Variants in CTTNBP2NL observed in about 807,000 individuals in gnomAD.
The protein encoded by CTTNBP2NL is CTTNBP2 N-terminal-like protein.
Under a neutral mutation model 32.5 loss-of-function variants are expected in CTTNBP2NL, and 16 were observed. The ratio of observed to expected loss-of-function variants is 0.49; its 90% CI spans 0.33 to 0.75. The LOEUF (loss-of-function observed/expected upper bound fraction) is 0.75. CTTNBP2NL is among the 30% of genes least tolerant of loss of function. The pLI is 0.02. For synonymous variants in CTTNBP2NL, 298 were observed against 289.4 expected, an observed-to-expected ratio of 1.03 and a Z score of -0.30; for missense variants, 645 against 756.0, an observed-to-expected ratio of 0.85 and a Z score of 1.72.
intron 4 of CTTNBP2NL, among the ~76,000 whole-genome samples, chr1:112,450,767 C>A (rs1204389026): frequency 7.5e-6 from 1 of 133,914 alleles, no homozygotes; most frequent in African/African-American, 2.8e-5. Context: ...CCTATCTATT[C>A]TTTTTTTTTT....
intron 1 of CTTNBP2NL, among the ~76,000 whole-genome samples, chr1:112,402,324 A>C (rs1009152441): frequency 1.3e-5 from 2 of 152,188 alleles, no homozygotes; most frequent in African/African-American, 4.8e-5. Flanking sequence ...AGGCCAAGAC[A>C]GGAGAATCGT....
chr1:112,416,466 A>G (rs971192401), intron 3 of CTTNBP2NL, among the ~76,000 whole-genome samples: 1 of 151,338 alleles, frequency 6.6e-6, no homozygotes, highest in African/African-American at 2.4e-5. Flanking sequence ...TAGTTCCCTT[A>G]GTTTCTCGAT....
At chr1:112,439,016 A>G (rs1010540047) in intron 3 of CTTNBP2NL, among the ~76,000 whole-genome samples, 4 of 152,150 alleles carry the variant, frequency 2.6e-5, no homozygotes, top group Non-Finnish European at 4.4e-5. Context: ...CTAGCTAGCT[A>G]CTTCTTTCTA....
At chr1:112,428,360 A>G (rs573464057) in intron 3 of CTTNBP2NL, among the ~76,000 whole-genome samples, 6 of 152,170 alleles carry the variant, frequency 3.9e-5, no homozygotes, top group South Asian at 2.1e-4. Context: ...TTAGCCTTCT[A>G]TTATTCACTT....
Position 112,455,916 on chromosome 1 carries a change from T to C in CTTNBP2NL, c.439-15T>C, listed in dbSNP as rs1265035396. 1.9e-6 allele frequency: 3 copies of C among 1,558,842 alleles called. No individual in the cohort carries two copies. The highest frequency in any genetic ancestry group is 2.6e-6 in the Non-Finnish European group (3 of 1,150,600). ...ACAGTTTGTCAGTATGTCTCTCTTT[T>C]CTTTTTTTTTCTAGTTGGAATTTGA... On this transcript the variant is annotated splice_polypyrimidine_tract_variant and intron_variant, in intron 5 of 5. Coordinates refer to ENST00000271277, the MANE Select transcript of CTTNBP2NL (RefSeq NM_018704.3).
At chr1:112,413,751 T>A (rs1310240875) in intron 2 of CTTNBP2NL, among the ~76,000 whole-genome samples, 1 of 152,166 alleles carries the variant, frequency 6.6e-6, no homozygotes, top group African/African-American at 2.4e-5. Flanking sequence ...TGAAATTCAC[T>A]TGTTAGAAAA....
In CTTNBP2NL at chr1:112,430,119, C is replaced by T. The variant is rs1012055489; in HGVS notation, c.99+13855C>T. Among the ~76,000 whole-genome samples the T allele has an allele frequency of 2.5e-4, 38 of 152,192 alleles. 1 individual carries two copies. Among genetic ancestry groups the T allele is most frequent in the Admixed American group, 1.3e-4 (2 of 15,280 alleles). ...ATTCTTAAGCGATTAAATGTCTTTG[C>T]TCCATTCAGAAAAACATCAAACCCC... On this transcript the variant is annotated intron_variant, in intron 3 of 5. Coordinates refer to ENST00000271277, the MANE Select transcript of CTTNBP2NL (RefSeq NM_018704.3).
intron 3 of CTTNBP2NL, among the ~76,000 whole-genome samples, chr1:112,440,887 C>T (rs1168591043): frequency 1.3e-5 from 2 of 150,578 alleles, no homozygotes; most frequent in African/African-American, 2.4e-5. Context: ...AGGCAATAAA[C>T]GCTCGAGTGT....
chr1:112,423,337 A>G (rs957340808), intron 3 of CTTNBP2NL, among the ~76,000 whole-genome samples: 5 of 152,146 alleles, frequency 3.3e-5, no homozygotes, highest in South Asian at 2.1e-4. Flanking sequence ...GTATACTTCA[A>G]AAATCACTGA....
At chr1:112,454,610 A>G (rs2101034629) in intron 5 of CTTNBP2NL, 54 bp downstream of exon 5, 1 of 1,289,402 alleles carries the variant, frequency 7.8e-7, no homozygotes, top group Admixed American at 1.7e-5. Context: ...GCATTTCCCA[A>G]AGATTATTCT....
chr1:112,435,372 A>G (rs1649701750), intron 3 of CTTNBP2NL, among the ~76,000 whole-genome samples: 1 of 152,024 alleles, frequency 6.6e-6, no homozygotes, highest in Admixed American at 6.6e-5. Flanking sequence ...CAGGTCCTTA[A>G]TCTTATTTAC....
intron 4 of CTTNBP2NL, among the ~76,000 whole-genome samples, chr1:112,453,968 A>G (rs1191363971): frequency 6.6e-6 from 1 of 152,200 alleles, no homozygotes; most frequent in East Asian, 1.9e-4. Context: ...TAGTTAAACA[A>G]GGCACACTTA....
At chr1:112,391,972 C>T (rs1019970749), upstream of CTTNBP2NL, among the ~76,000 whole-genome samples, 2 of 147,362 alleles carry the variant, frequency 1.4e-5, no homozygotes, top group Admixed American at 6.6e-5. Context: ...GTCTGGGCAA[C>T]AGAGTGAGAC....
intron 1 of CTTNBP2NL, among the ~76,000 whole-genome samples, chr1:112,411,993 G>A (rs971128106): frequency 6.6e-6 from 1 of 152,138 alleles, no homozygotes; most frequent in Non-Finnish European, 1.5e-5. Context: ...CCTTATTTTA[G>A]TTGCAAAAGG....
intron 4 of CTTNBP2NL, among the ~76,000 whole-genome samples, chr1:112,453,871 G>T (rs1178743786): frequency 1.3e-5 from 2 of 152,136 alleles, no homozygotes; most frequent in East Asian, 1.9e-4. Flanking sequence ...TCCATTTAAG[G>T]TCTCTATATT....
At chr1:112,434,457 C>G (rs1649667106) in intron 3 of CTTNBP2NL, among the ~76,000 whole-genome samples, 1 of 152,058 alleles carries the variant, frequency 6.6e-6, no homozygotes, top group African/African-American at 2.4e-5. Flanking sequence ...TCCAGAGTAC[C>G]CCTTAAATGT....
chr1:112,457,896 T>C lies in CTTNBP2NL; in HGVS notation c.*484T>C, dbSNP rs538135155. The C allele has an allele frequency of 6.5e-6, 1 of 154,678 alleles. No individual in the cohort carries two copies. The highest frequency in any genetic ancestry group is 6.4e-5 in the Admixed American group (1 of 15,634). The allele number at this position is 154,678 out of a possible 1,614,324, so 9.6% of individuals were successfully genotyped here. A position where few individuals can be genotyped will look rare whatever the true frequency, so the allele number is the denominator to read the frequency against. On this transcript the variant is annotated 3_prime_UTR_variant, in exon 6 of 6. Transcript: ENST00000271277. ...AATGAGATCCTCTGTGAATTCTGAATGTTAAAAACCAACACTGCTTTTAAT... is the reference window on the plus strand; with the variant it reads ...AATGAGATCCTCTGTGAATTCTGAACGTTAAAAACCAACACTGCTTTTAAT...
At chr1:112,427,730 T>C (rs980670797) in intron 3 of CTTNBP2NL, among the ~76,000 whole-genome samples, 4 of 151,786 alleles carry the variant, frequency 2.6e-5, no homozygotes, top group Non-Finnish European at 4.4e-5. Flanking sequence ...CCCGTCTCTA[T>C]TAAAAATACA....
rs774355036 is a variant in CTTNBP2NL, at chr1:112,456,845, C to T, written c.1353C>T (p.Tyr451=). 6.2e-7 allele frequency: 1 copy of T among 1,614,114 alleles called. No homozygotes were observed. Among genetic ancestry groups the T allele is most frequent in the East Asian group, 2.2e-5 (1 of 44,870 alleles). ...SASSPGYQSS[Y]QVGINQRFHA... is the part of the protein sequence containing the mutation. Reference sequence around the variant, plus strand: ...GCAGCCCTGGCTACCAGTCATCGTACCAAGTAGGGATCAACCAACGGTTCC... The same window carrying T: ...GCAGCCCTGGCTACCAGTCATCGTATCAAGTAGGGATCAACCAACGGTTCC... The change falls in exon 6 of 6, where the codon TAC becomes TAT. Residue 451 remains tyrosine, a synonymous_variant. Transcript: ENST00000271277.
Sources: allele counts gnomAD v4.1 joint callset (sites outside exome capture counted in the v4.1 genomes callset), GRCh38; gene constraint gnomAD v4.1.1; transcripts MANE v1.5; gene names NCBI Gene and HGNC (gene_info 2026-07-23, HGNC 2026-07-21).